EML6: variants seen among roughly 807,000 people sequenced by gnomAD.
EML6 encodes the protein echinoderm microtubule-associated protein-like 6.
Under a neutral mutation model 240.1 loss-of-function variants are expected in EML6, and 154 were observed. The ratio of observed to expected loss-of-function variants is 0.64; its 90% CI spans 0.56 to 0.73. The LOEUF (loss-of-function observed/expected upper bound fraction) is 0.73. Among genes scored for constraint, EML6 ranks in the 30% least tolerant of loss-of-function variants. EML6 has a pLI of 0.00. For synonymous variants in EML6, 1,148 were observed against 899.0 expected (o/e 1.28, Z -4.95); for missense variants, 2,964 against 2,474.6 (o/e 1.20, Z -4.20).
Position 54,892,501 on chromosome 2 carries a change from T to C in EML6, c.2587T>C (p.Leu863=). The change falls in exon 19 of 42, where the codon TTG becomes CTG. Residue 863 remains leucine (L), a synonymous_variant. Transcript: ENST00000356458. ...KRGTFGSVGK[L]ETMMCVSYGR... ...AGGAACTTTTGGAAGCGTTGGAAAA[T>C]TGGAAACAATGATGTGTGTTTCTTA... 6.4e-7 allele frequency: 1 copy of C among 1,551,440 alleles called. No individual in the cohort carries two copies. Among genetic ancestry groups the C allele is most frequent in the Non-Finnish European group, 8.7e-7 (1 of 1,146,794 alleles).
At chr2:54,962,791 C>G in intron 36 of EML6, 80 bp downstream of exon 36, 1 of 1,240,216 alleles carries the variant, frequency 8.1e-7, no homozygotes, top group Non-Finnish European at 1.1e-6. Context: ...GAGGCCCAGC[C>G]AGCGTCATGG....
intron 32 of EML6, among the ~76,000 whole-genome samples, chr2:54,955,211 A>T (rs918844306): frequency 6.6e-6 from 1 of 152,202 alleles, no homozygotes; most frequent in Non-Finnish European, 1.5e-5. Context: ...AGGGGTGCAG[A>T]TTCATTCCTT....
intron 2 of EML6, among the ~76,000 whole-genome samples, chr2:54,729,945 G>T (rs558163358): frequency 1.3e-5 from 2 of 152,282 alleles, no homozygotes; most frequent in East Asian, 3.9e-4. Context: ...GGACTAGCCT[G>T]GGTGGCATGG....
At position 54,774,659 on chromosome 2, in the gene EML6, A is replaced by G. The variant is rs546470848; in HGVS notation, c.198-38573A>G. 6.6e-6 allele frequency among the ~76,000 whole-genome samples: 1 copy of G among 152,350 alleles called. No individual in the cohort carries two copies. The highest frequency in any genetic ancestry group is 2.1e-4 in the South Asian group (1 of 4,832). ...ATGGTAAGCATCCAATCTATCTTAG[A>G]TGTGGTATTAGCATTTCCCAAAGTT... On this transcript the variant is annotated intron_variant, in intron 2 of 41. Coordinates refer to ENST00000356458, the MANE Select transcript of EML6 (RefSeq NM_001039753.4). The surrounding 1 kb of genome is among the most constrained non-coding windows in gnomAD (Gnocchi z 4.1).
intron 2 of EML6, among the ~76,000 whole-genome samples, chr2:54,802,098 G>A (rs1171691256): frequency 2.0e-5 from 3 of 152,056 alleles, no homozygotes; most frequent in Admixed American, 1.3e-4. Flanking sequence ...GGCTAGGCAC[G>A]GTGCTGTTCT....
At chr2:54,764,045 T>A (rs1240739206) in intron 2 of EML6, among the ~76,000 whole-genome samples, 1 of 152,236 alleles carries the variant, frequency 6.6e-6, no homozygotes, top group Non-Finnish European at 1.5e-5. Flanking sequence ...CCTTCTTAAC[T>A]TCCTGCCCTC....
In EML6 at chr2:54,899,746, C is replaced by A. The variant is rs2104190593; in HGVS notation, c.3088C>A (p.Gln1030Lys). Residue 1030 changes from glutamine to lysine, a missense_variant, in exon 22 of 42, where the codon CAG (glutamine) becomes AAG (lysine). Gln to Lys is a moderately conservative substitution (Grantham distance 53, BLOSUM62 1). Transcript: ENST00000356458. ...KTLRIWELSA[Q>K]HRMLAVRKLK... The stretch of plus-strand genomic sequence containing the variant: ...ACTTCGCATCTGGGAACTATCTGCC[C>A]AGCACCGTATGCTGGCAGTACGGAA... The A allele has an allele frequency of 6.4e-7, 1 of 1,551,804 alleles. No homozygotes were observed. The highest frequency in any genetic ancestry group is 1.2e-5 in the South Asian group (1 of 84,056).
intron 36 of EML6, among the ~76,000 whole-genome samples, chr2:54,963,021 T>C (rs1158635529): frequency 6.6e-6 from 1 of 152,216 alleles, no homozygotes; most frequent in Non-Finnish European, 1.5e-5. Context: ...ATGGGCCTAA[T>C]GTATTTCTGT....
At position 54,908,485 on chromosome 2, in the gene EML6, G is replaced by A. The variant is rs560473201; in HGVS notation, c.3410-2469G>A. ...ACAGATGAGTTTATTGGAAAGATAC[G>A]GAGATATTTTATAGAATCCAAGAGC... On this transcript the variant is annotated intron_variant, in intron 24 of 41. Transcript: ENST00000356458. Among the ~76,000 whole-genome samples, 6 of 152,194 alleles carry A rather than the reference G, an allele frequency of 3.9e-5. No individual in the cohort carries two copies. The South Asian group carries it at 8.3e-4, about 21-fold the overall frequency.
rs559727410 is a variant in EML6, at chr2:54,813,540, T to G, written c.357+149T>G. Reference sequence around the variant, plus strand: ...AGAATTTTTCACCTGTTTTTTCCCCTTTAAAGCTATGGCACTAACACCAAA... The same window carrying G: ...AGAATTTTTCACCTGTTTTTTCCCCGTTAAAGCTATGGCACTAACACCAAA... On this transcript the variant is annotated intron_variant, in intron 3 of 41. Coordinates refer to ENST00000356458, the MANE Select transcript of EML6 (RefSeq NM_001039753.4). The G allele has an allele frequency of 4.7e-4, 332 of 711,768 alleles. 1 individual carries two copies. In the African/African-American group the frequency reaches 5.4e-3, roughly 12 times the overall value. 44.1% of individuals were successfully genotyped at this position (711,768 alleles called of 1,614,324 possible).
At chr2:54,835,896 G>C (rs1669114611) in intron 7 of EML6, among the ~76,000 whole-genome samples, 1 of 152,180 alleles carries the variant, frequency 6.6e-6, no homozygotes, top group African/African-American at 2.4e-5. Context: ...ATCCCTTGCA[G>C]AGAACGTCCA....
At chr2:54,864,999 T>A (rs554427512) in intron 13 of EML6, among the ~76,000 whole-genome samples, 1 of 152,332 alleles carries the variant, frequency 6.6e-6, no homozygotes, top group East Asian at 1.9e-4. Context: ...GAAAAGAGAT[T>A]ATTGTCTGTG....
chr2:54,816,564 G>A (rs1216721082), intron 3 of EML6, among the ~76,000 whole-genome samples: 8 of 152,178 alleles, frequency 5.3e-5, no homozygotes. Context: ...ACTTAAAAAG[G>A]ATAAAGGAGC....
At position 54,927,352 on chromosome 2, in the gene EML6, C is replaced by A. The variant is rs1373952075; in HGVS notation, c.3676-961C>A. On this transcript the variant is annotated intron_variant, in intron 26 of 41. Transcript: ENST00000356458. Reference sequence around the variant, plus strand: ...TGCTGTTTTCAGATTCTCTAGCATGCCAGTCCAAAACCCTCTGGGAGCCAC... The same window carrying A: ...TGCTGTTTTCAGATTCTCTAGCATGACAGTCCAAAACCCTCTGGGAGCCAC... Among the ~76,000 whole-genome samples, 3 of 152,194 alleles carry A rather than the reference C, an allele frequency of 2.0e-5. No individual in the cohort carries two copies. The East Asian group carries it at 5.8e-4, about 29-fold the overall frequency.
At chr2:54,909,840 G>T (rs1443118184) in intron 24 of EML6, among the ~76,000 whole-genome samples, 3 of 112,222 alleles carry the variant, frequency 2.7e-5, no homozygotes, top group Non-Finnish European at 5.0e-5. Flanking sequence ...GACAGAGCGA[G>T]ACTCCATCTC....
chr2:54,946,764 G>C (rs1449998456), intron 28 of EML6, among the ~76,000 whole-genome samples: 1 of 152,240 alleles, frequency 6.6e-6, no homozygotes, highest in South Asian at 2.1e-4. Context: ...ACCGCGAAGG[G>C]TCAATACTTA....
At chr2:54,815,647 G>GT (rs1373053363) in intron 3 of EML6, among the ~76,000 whole-genome samples, 2 of 152,156 alleles carry the variant, frequency 1.3e-5, no homozygotes, top group East Asian at 1.9e-4. Flanking sequence ...GAAACCCTCA[G>GT]TTAAAAAATT....
intron 16 of EML6, among the ~76,000 whole-genome samples, chr2:54,872,512 C>T (rs189260826): frequency 6.6e-6 from 1 of 152,198 alleles, no homozygotes; most frequent in Admixed American, 6.5e-5. Flanking sequence ...ATTCTATCCC[C>T]TCTTCCTCAG....
intron 11 of EML6, 85 bp downstream of exon 11, chr2:54,853,940 A>G: frequency 1.3e-6 from 1 of 741,362 alleles, no homozygotes; most frequent in South Asian, 2.6e-5. Flanking sequence ...CCTGCTGTCT[A>G]TTCCAATGCA....
Sources: allele counts gnomAD v4.1 joint callset (sites outside exome capture counted in the v4.1 genomes callset), GRCh38; gene constraint gnomAD v4.1.1; non-coding constraint Gnocchi (gnomAD v3.1); transcripts MANE v1.5; gene names NCBI Gene and HGNC (gene_info 2026-07-23, HGNC 2026-07-21).